The following ERAP1 variants were observed in gnomAD, a reference collection of about 807,000 sequenced individuals.
ERAP1 encodes the protein adipocyte-derived leucine aminopeptidase.
A neutral mutation model predicts 103.7 loss-of-function variants in ERAP1; 86 were observed. That is an observed-to-expected ratio of 0.83 (90% CI 0.70 to 0.99). The LOEUF (loss-of-function observed/expected upper bound fraction) is 0.99. Among genes scored for constraint, ERAP1 ranks in the 50% least tolerant of loss-of-function variants. The pLI, the probability that ERAP1 is intolerant of heterozygous loss-of-function variation, is 0.00. For synonymous variants in ERAP1, 398 were observed against 402.4 expected (o/e 0.99, Z 0.13); for missense variants, 1,009 against 1,128.4 (o/e 0.89, Z 1.52).
the ERAP1 span, chr5:96,915,665 A>G: frequency 2.9e-5 from 42 of 1,447,342 alleles, no homozygotes; most frequent in Non-Finnish European, 3.8e-5. Flanking sequence ...ATGACTTTCT[A>G]TGGTGTTTCT....
At chr5:96,896,965 T>TAAGTCATATGTTGTGTAACGATAGAC in the ERAP1 span, 1 of 970,030 alleles carries the variant, frequency 1.0e-6, no homozygotes, top group African/African-American at 1.7e-5. Flanking sequence ...GTCAACCATA[T>TAAGTCATATGTTGTGTAACGATAGAC]TTATTCTGCT....
chr5:96,785,479 C>A, intron 13 of ERAP1: 1 of 387,882 alleles, frequency 2.6e-6, no homozygotes, highest in Non-Finnish European at 4.9e-6. Flanking sequence ...GGGACCATGC[C>A]GCGGGGACAA....
chr5:96,783,760 A>G (rs1775575786), intron 14 of ERAP1, among the ~76,000 whole-genome samples, 164 bp downstream of exon 14: 1 of 151,790 alleles, frequency 6.6e-6, no homozygotes, highest in South Asian at 2.1e-4. Flanking sequence ...AAATCTTGCT[A>G]GTCCATCTAA....
At chr5:96,786,665 G>A (rs1386168943) in intron 11 of ERAP1, 116 bp from the exon 12 acceptor site, 1 of 701,158 alleles carries the variant, frequency 1.4e-6, no homozygotes, top group Non-Finnish European at 2.6e-6. Context: ...TACCAAAACT[G>A]CTACAGCCAA....
At chr5:96,917,841 G>A in the ERAP1 span, 1 of 204,102 alleles carries the variant, frequency 4.9e-6, no homozygotes, top group Non-Finnish European at 9.8e-6. Flanking sequence ...GGGAGGTGGA[G>A]CTTGCAGTGA....
upstream of ERAP1, among the ~76,000 whole-genome samples, chr5:96,811,630 G>A (rs903105605): frequency 6.6e-6 from 1 of 152,212 alleles, no homozygotes; most frequent in African/African-American, 2.4e-5. Flanking sequence ...GCCAGTTGGA[G>A]TCAGTCTTCA....
chr5:96,765,526 C>G (rs768420080), intron 19 of ERAP1, among the ~76,000 whole-genome samples: 2 of 152,046 alleles, frequency 1.3e-5, no homozygotes, highest in African/African-American at 2.4e-5. Flanking sequence ...ACCAGCGGAG[C>G]CTCCCTGAGG....
At chr5:96,843,412 C>CA in the ERAP1 span, among the ~76,000 whole-genome samples, 2 of 152,166 alleles carry the variant, frequency 1.3e-5, no homozygotes, top group African/African-American at 4.8e-5. Flanking sequence ...AGTGAAGTTA[C>CA]AAAGTTATAC....
chr5:96,896,774 G>GA, the ERAP1 span: 1 of 1,471,784 alleles, frequency 6.8e-7, no homozygotes. Context: ...TCTGGGTGAG[G>GA]AGAAATTCCA....
chr5:96,913,522 G>C, the ERAP1 span: 1 of 1,547,390 alleles, frequency 6.5e-7, no homozygotes, highest in Admixed American at 1.7e-5. Flanking sequence ...CTCAAACCAA[G>C]TGTAATCAAA....
chr5:96,933,486 G>T, the ERAP1 span, among the ~76,000 whole-genome samples: 1 of 152,074 alleles, frequency 6.6e-6, no homozygotes, highest in Non-Finnish European at 1.5e-5. Context: ...GAGGCAAGAG[G>T]TTGGCAAAGA....
chr5:96,803,510 G>A lies in ERAP1; in HGVS notation c.417C>T (p.Leu139=), dbSNP rs774799765. ...CAACTGTGTACGGGAGCCCGACAAG[G>A]AGGGGCTCGGGAGCCAGCAGTGCAA... ...EQIALLAPEP[L]LVGLPYTVVI... is the part of the protein sequence containing the mutation. Residue 139 remains leucine, a synonymous_variant, in exon 2 of 19, where the codon CTC becomes CTT. Coordinates refer to ENST00000443439, the MANE Select transcript of ERAP1 (RefSeq NM_001040458.3). The A allele has an allele frequency of 6.8e-6, 11 of 1,613,266 alleles. No individual in the cohort carries two copies. The highest frequency in any genetic ancestry group is 9.3e-6 in the Non-Finnish European group (11 of 1,179,478).
At chr5:96,774,203 T>TGACA (rs1222556225), downstream of ERAP1, 5 of 154,138 alleles carry the variant, frequency 3.2e-5, no homozygotes, top group African/African-American at 1.2e-4. Context: ...CCTTTGACAC[T>TGACA]GACAGATGTG....
chr5:96,901,291 C>T, the ERAP1 span, among the ~76,000 whole-genome samples: 1 of 152,128 alleles, frequency 6.6e-6, no homozygotes, highest in Non-Finnish European at 1.5e-5. Context: ...CTACTATATC[C>T]TGTATATATC....
the ERAP1 span, among the ~76,000 whole-genome samples, chr5:96,828,689 G>A: frequency 2.6e-5 from 4 of 152,062 alleles, no homozygotes; most frequent in Admixed American, 2.6e-4. Context: ...GGACATATGG[G>A]AATTTGCCCT....
downstream of ERAP1, chr5:96,772,262 A>G (rs1243153582): frequency 2.0e-5 from 3 of 153,712 alleles, no homozygotes; most frequent in Non-Finnish European, 4.4e-5. Flanking sequence ...GACAGATTGA[A>G]GGGATTTCTG....
the ERAP1 span, among the ~76,000 whole-genome samples, chr5:96,813,581 A>G: frequency 2.3e-5 from 3 of 129,104 alleles, no homozygotes; most frequent in Non-Finnish European, 3.1e-5. Flanking sequence ...TGAACCCAGG[A>G]GGCGGAGGTT....
chr5:96,795,969 A>G (rs560226262), intron 4 of ERAP1, among the ~76,000 whole-genome samples: 2 of 152,352 alleles, frequency 1.3e-5, no homozygotes, highest in African/African-American at 4.8e-5. Flanking sequence ...AATTAAAAAT[A>G]TTAATATAGA....
intron 17 of ERAP1, among the ~76,000 whole-genome samples, 173 bp downstream of exon 17, chr5:96,780,885 T>A (rs993890546): frequency 1.8e-4 from 27 of 152,348 alleles, no homozygotes; most frequent in African/African-American, 6.3e-4. Flanking sequence ...GATTCACTAG[T>A]TAGCACTGAA....
Sources: allele counts gnomAD v4.1 joint callset (sites outside exome capture counted in the v4.1 genomes callset), GRCh38; gene constraint gnomAD v4.1.1; transcripts MANE v1.5; gene names NCBI Gene and HGNC (gene_info 2026-07-23, HGNC 2026-07-21).